ATXN2: variants seen among roughly 807,000 people sequenced by gnomAD.
The protein encoded by ATXN2 is ataxin 2.
A neutral mutation model predicts 138.6 loss-of-function variants in ATXN2; 37 were observed. The observed-to-expected ratio is 0.27, with a 90% CI of 0.21 to 0.35. The LOEUF (loss-of-function observed/expected upper bound fraction) is 0.35. Ranked by LOEUF, ATXN2 falls within the 10% of genes least tolerant of loss-of-function variation. The pLI is 1.00. For missense variants in ATXN2, 1,216 were observed against 1,480.3 expected (o/e 0.82, Z 2.93); for synonymous variants, 549 against 543.7 (o/e 1.01, Z -0.13).
chr12:111,523,041 G>A (rs1041572175), intron 6 of ATXN2, among the ~76,000 whole-genome samples: 2 of 152,054 alleles, frequency 1.3e-5, no homozygotes, highest in African/African-American at 4.8e-5. Flanking sequence ...AGCACTTTGG[G>A]AGGCTGAGGC....
chr12:111,562,480 G>T (rs978314724), intron 1 of ATXN2, among the ~76,000 whole-genome samples: 2 of 151,830 alleles, frequency 1.3e-5, no homozygotes, highest in African/African-American at 2.4e-5. Context: ...TAGCACTCTG[G>T]GAGGCTGAGG....
intron 1 of ATXN2, among the ~76,000 whole-genome samples, chr12:111,561,116 C>T (rs1882661356): frequency 6.6e-6 from 1 of 151,038 alleles, no homozygotes; most frequent in African/African-American, 2.4e-5. Context: ...ACTTGGGAGG[C>T]GGAGCTTGCA....
intron 5 of ATXN2, 48 bp from the exon 6 acceptor site, chr12:111,525,364 T>C: frequency 6.7e-7 from 1 of 1,490,206 alleles, no homozygotes; most frequent in Non-Finnish European, 8.9e-7. Flanking sequence ...TGGCAATCAG[T>C]TACACTCACA....
chr12:111,494,475 G>C (rs1164477699), intron 14 of ATXN2, among the ~76,000 whole-genome samples: 3 of 150,226 alleles, frequency 2.0e-5, no homozygotes, highest in African/African-American at 4.9e-5. Context: ...GCCCAGGCTG[G>C]GGTGCAGTGG....
rs1397907409 is a variant in ATXN2 at position 111,598,627 on chromosome 12, A to G, written c.251+157T>C. 1.1e-6 allele frequency: 1 copy of G among 944,330 alleles called. No individual in the cohort carries two copies. The highest frequency in any genetic ancestry group is 1.1e-4 in the East Asian group (1 of 8,726). The allele number at this position is 944,330 out of a possible 1,614,324, so 58.5% of individuals were successfully genotyped here. A position where few individuals can be genotyped will look rare whatever the true frequency, so the allele number is the denominator to read the frequency against. On this transcript the variant is annotated intron_variant, in intron 1 of 24. Transcript: ENST00000673436. This position sits in a 1 kb window ranked among gnomAD's most constrained non-coding sequence, Gnocchi z 4.5. ...GGACCCCGGCTGCGCCCACCGGCCG[A>G]GCCTCGGGGCTCAGGCCCGAGCGAG...
At chr12:111,578,531 C>T (rs1161465360) in intron 1 of ATXN2, among the ~76,000 whole-genome samples, 2 of 152,072 alleles carry the variant, frequency 1.3e-5, no homozygotes, top group Non-Finnish European at 2.9e-5. Context: ...ATACTCTGTA[C>T]GACAGCCTAT....
chr12:111,551,612 T>C (rs751971554), intron 5 of ATXN2, among the ~76,000 whole-genome samples: 12 of 152,220 alleles, frequency 7.9e-5, no homozygotes, highest in Non-Finnish European at 1.5e-4. Context: ...ATACTTTGAT[T>C]TCTTTCCAGA....
chr12:111,538,264 G>A (rs1478327945), intron 5 of ATXN2, among the ~76,000 whole-genome samples: 2 of 152,086 alleles, frequency 1.3e-5, no homozygotes, highest in East Asian at 1.9e-4. Context: ...AATACATTCT[G>A]TTTGTGAGAG....
intron 5 of ATXN2, among the ~76,000 whole-genome samples, chr12:111,544,791 T>G (rs894863101): frequency 1.3e-5 from 2 of 152,134 alleles, no homozygotes; most frequent in Non-Finnish European, 2.9e-5. Flanking sequence ...CAGAAAAAGA[T>G]TCCAAAGGAC....
intron 8 of ATXN2, among the ~76,000 whole-genome samples, 200 bp downstream of exon 8, chr12:111,519,679 T>G (rs967345117): frequency 6.6e-6 from 1 of 152,198 alleles, no homozygotes; most frequent in Non-Finnish European, 1.5e-5. Flanking sequence ...ATACCAACAC[T>G]TGGCTCCACA....
At chr12:111,523,787 G>A (rs1043222539) in intron 6 of ATXN2, among the ~76,000 whole-genome samples, 1 of 151,718 alleles carries the variant, frequency 6.6e-6, no homozygotes. Flanking sequence ...TCCTGGTCAG[G>A]CATGATGGCT....
intron 3 of ATXN2, among the ~76,000 whole-genome samples, chr12:111,553,604 A>AATTTTTTTTTTT (rs1882237738): frequency 3.5e-4 from 30 of 84,994 alleles, no homozygotes; most frequent in Non-Finnish European, 4.6e-4. Flanking sequence ...AAAAAAAAAA[A>AATTTTTTTTTTT]TTTTTTTTTT....
At chr12:111,460,562 G>A (rs559253225) in intron 21 of ATXN2, among the ~76,000 whole-genome samples, 2 of 151,944 alleles carry the variant, frequency 1.3e-5, no homozygotes, top group South Asian at 2.1e-4. Context: ...GATACAGTAC[G>A]GAATCTCAGA....
chr12:111,589,714 C>T (rs1884550318), intron 1 of ATXN2, among the ~76,000 whole-genome samples: 2 of 151,408 alleles, frequency 1.3e-5, no homozygotes. Context: ...AGAGGTTGCA[C>T]TGAGCCGATA....
intron 21 of ATXN2, among the ~76,000 whole-genome samples, chr12:111,459,396 T>C (rs927477774): frequency 2.6e-5 from 4 of 152,228 alleles, no homozygotes; most frequent in African/African-American, 4.8e-5. Context: ...ATTTCGAACC[T>C]GAGTTTGTTG....
intron 5 of ATXN2, among the ~76,000 whole-genome samples, chr12:111,529,137 A>G (rs1208792231): frequency 6.6e-6 from 1 of 152,138 alleles, no homozygotes; most frequent in Non-Finnish European, 1.5e-5. Flanking sequence ...ATTTTAAAAA[A>G]AAAAAACACT....
At chr12:111,513,636 C>T (rs1377901028) in intron 10 of ATXN2, 97 bp from the exon 11 acceptor site, 10 of 989,362 alleles carry the variant, frequency 1.0e-5, no homozygotes, top group Admixed American at 4.0e-5. Flanking sequence ...TGCACACACA[C>T]TCACTCACTC....
intron 21 of ATXN2, among the ~76,000 whole-genome samples, chr12:111,463,529 G>A (rs1338382985): frequency 7.2e-5 from 11 of 151,992 alleles, no homozygotes; most frequent in Non-Finnish European, 1.5e-5. Flanking sequence ...CACCCACCTC[G>A]GCCTCCCAAA....
intron 6 of ATXN2, among the ~76,000 whole-genome samples, chr12:111,523,045 C>A (rs1407637830): frequency 1.3e-5 from 2 of 151,842 alleles, no homozygotes; most frequent in Non-Finnish European, 2.9e-5. Flanking sequence ...CTTTGGGAGG[C>A]TGAGGCAGGT....
Sources: allele counts gnomAD v4.1 joint callset (sites outside exome capture counted in the v4.1 genomes callset), GRCh38; gene constraint gnomAD v4.1.1; non-coding constraint Gnocchi (gnomAD v3.1); transcripts MANE v1.5; gene names NCBI Gene and HGNC (gene_info 2026-07-23, HGNC 2026-07-21).